The following BRSK1 variants were observed in gnomAD, a reference collection of about 807,000 sequenced individuals.
BRSK1 encodes BR serine/threonine kinase 1.
Under a neutral mutation model 86.2 loss-of-function variants are expected in BRSK1, and 17 were observed. The ratio of observed to expected loss-of-function variants is 0.20; its 90% CI spans 0.14 to 0.30. BRSK1 has a LOEUF of 0.30. Ranked by LOEUF, BRSK1 falls within the 10% of genes least tolerant of loss-of-function variation. The pLI is 1.00. For synonymous variants in BRSK1, 464 were observed against 440.1 expected (o/e 1.05, Z -0.68); for missense variants, 719 against 1,071.9 (o/e 0.67, Z 4.60).
At chr19:55,291,720 G>A (rs1391917778) in intron 4 of BRSK1, among the ~76,000 whole-genome samples, 3 of 152,160 alleles carry the variant, frequency 2.0e-5, no homozygotes, top group Admixed American at 6.5e-5. Context: ...TTTGGGTAAA[G>A]CTTGATGATA....
In BRSK1 at chr19:55,301,399, CTG is replaced by C. The variant is rs886257790; in HGVS notation, c.679-110_679-109del. Reference sequence around the variant, plus strand: ...GCCTTTGGCAAATTGCTGAGCCTCTCTGTGCCTCAGTTTCCAACCCCTTAAGG... The same window carrying C: ...GCCTTTGGCAAATTGCTGAGCCTCTCTGCCTCAGTTTCCAACCCCTTAAGG... On this transcript the variant is annotated intron_variant, in intron 7 of 18. Coordinates refer to ENST00000309383, the MANE Select transcript of BRSK1 (RefSeq NM_032430.2). 45 of 1,324,684 alleles carry C rather than the reference CTG, an allele frequency of 3.4e-5. No homozygotes were observed. In the African/African-American group the frequency reaches 5.3e-4, roughly 16 times the overall value. 82.1% of individuals were successfully genotyped at this position (1,324,684 alleles called of 1,614,324 possible).
At chr19:55,285,051 C>A (rs1332667040) in intron 1 of BRSK1, among the ~76,000 whole-genome samples, 3 of 147,108 alleles carry the variant, frequency 2.0e-5, no homozygotes, top group Non-Finnish European at 4.5e-5. Flanking sequence ...GTCTGGACTT[C>A]TGGGTCTGAG....
rs2088650632 is a variant in BRSK1, at chr19:55,306,359, C to T, written c.1998C>T (p.Asp666=). The part of the protein sequence containing the change: ...VFQKPVRFQV[D]ISSSEGPEPS... ...AAAAGCCCGTCCGCTTCCAGGTGGA[C>T]ATCAGCTCCTCTGAGGGTCCAGAGC... Residue 666 remains aspartate, a synonymous_variant, in exon 17 of 19, where the codon GAC becomes GAT. Coordinates refer to ENST00000309383, the MANE Select transcript of BRSK1 (RefSeq NM_032430.2). This position sits in a 1 kb window ranked among gnomAD's most constrained non-coding sequence, Gnocchi z 4.7. 1 of 1,613,994 alleles carries T rather than the reference C, an allele frequency of 6.2e-7. No homozygotes were observed. Among genetic ancestry groups the T allele is most frequent in the African/African-American group, 1.3e-5 (1 of 74,942 alleles).
intron 4 of BRSK1, 99 bp from the exon 5 acceptor site, chr19:55,293,918 C>A: frequency 9.5e-7 from 1 of 1,055,844 alleles, no homozygotes; most frequent in Non-Finnish European, 1.3e-6. Context: ...CCTAAAAATC[C>A]AAAAAGTATG....
At chr19:55,290,937 G>A (rs987469182) in intron 4 of BRSK1, among the ~76,000 whole-genome samples, 3 of 151,902 alleles carry the variant, frequency 2.0e-5, no homozygotes, top group East Asian at 1.9e-4. Flanking sequence ...CACCGCGCCC[G>A]GCCTACACCT....
chr19:55,303,921 T>G lies in BRSK1; in HGVS notation c.1286+95T>G, dbSNP rs1600187517. On this transcript the variant is annotated intron_variant, in intron 12 of 18. Coordinates refer to ENST00000309383, the MANE Select transcript of BRSK1 (RefSeq NM_032430.2). This position sits in a 1 kb window ranked among gnomAD's most constrained non-coding sequence, Gnocchi z 5.1. Reference sequence around the variant, plus strand: ...CTCTACCTCAAATGTGCTGTGTCCTTGGGACAATTCACCTCCCCTCTCTGG... The same window carrying G: ...CTCTACCTCAAATGTGCTGTGTCCTGGGGACAATTCACCTCCCCTCTCTGG... 6.6e-7 allele frequency: 1 copy of G among 1,520,636 alleles called. No homozygotes were observed. The allele number at this position is 1,520,636 out of a possible 1,614,324, so 94.2% of individuals were successfully genotyped here. A position where few individuals can be genotyped will look rare whatever the true frequency, so the allele number is the denominator to read the frequency against.
In BRSK1 at chr19:55,284,423, G is replaced by C. The variant is rs531300262; in HGVS notation, c.-20G>C. The C allele has an allele frequency of 1.7e-6, 2 of 1,198,042 alleles. No individual in the cohort carries two copies. Among genetic ancestry groups the C allele is most frequent in the Admixed American group, 4.2e-5 (1 of 23,754 alleles). The allele number at this position is 1,198,042 out of a possible 1,614,324, so 74.2% of individuals were successfully genotyped here. ...AGGGGGGGCGGCCGGGGGACCGGTC[G>C]GGCCGGGACCAAGGGCACCATGTCG... On this transcript the variant is annotated 5_prime_UTR_variant, in exon 1 of 19. Transcript: ENST00000309383.
At chr19:55,295,037 A>T (rs2088465235) in intron 7 of BRSK1, among the ~76,000 whole-genome samples, 1 of 152,122 alleles carries the variant, frequency 6.6e-6, no homozygotes. Flanking sequence ...CCTGGCCTCA[A>T]GTGATCCACC....
In BRSK1 at chr19:55,311,878, G is replaced by A. The variant is rs373370443; in HGVS notation, c.2180-33G>A. The A allele has an allele frequency of 6.1e-5, 98 of 1,606,626 alleles. 1 individual carries two copies. The Middle Eastern group carries it at 9.9e-4, about 16-fold the overall frequency. On this transcript the variant is annotated intron_variant, in intron 18 of 18. Transcript: ENST00000309383. Reference sequence around the variant, plus strand: ...AATGGGAACCCCAACCCTGGGCTGCGGAACCCACGAAAAACCTCTTCCTCC... The same window carrying A: ...AATGGGAACCCCAACCCTGGGCTGCAGAACCCACGAAAAACCTCTTCCTCC...
intron 16 of BRSK1, 87 bp downstream of exon 16, chr19:55,305,673 C>T (rs532200559): frequency 1.3e-6 from 2 of 1,573,796 alleles, no homozygotes; most frequent in South Asian, 1.1e-5. Flanking sequence ...TAGCATAGGC[C>T]TGGCTTCCTC....
At chr19:55,296,049 C>A (rs1270030656) in intron 7 of BRSK1, among the ~76,000 whole-genome samples, 1 of 152,106 alleles carries the variant, frequency 6.6e-6, no homozygotes. Flanking sequence ...CACTCTGCTA[C>A]CTATTAGCCT....
chr19:55,298,781 A>G (rs945613097), intron 7 of BRSK1, among the ~76,000 whole-genome samples: 1 of 152,180 alleles, frequency 6.6e-6, no homozygotes, highest in African/African-American at 2.4e-5. Flanking sequence ...TAAAATGGCC[A>G]TGAAGCCAAG....
At chr19:55,307,617 A>G (rs576663752) in intron 17 of BRSK1, among the ~76,000 whole-genome samples, 50 of 149,626 alleles carry the variant, frequency 3.3e-4, no homozygotes, top group Non-Finnish European at 5.6e-4. Context: ...GAGGCCAGGC[A>G]TGATGGCTGA....
rs2088813820 is a variant in BRSK1, at chr19:55,312,090, G to A, written c.*22G>A. 8.8e-6 allele frequency: 12 copies of A among 1,361,936 alleles called. No individual in the cohort carries two copies. The highest frequency in any genetic ancestry group is 1.5e-5 in the African/African-American group (1 of 65,856). 84.4% of individuals were successfully genotyped at this position (1,361,936 alleles called of 1,614,324 possible). A position where few individuals can be genotyped will look rare whatever the true frequency, so the allele number is the denominator to read the frequency against. ...CTGACCCCACGGGGCCGGGGAGGGA[G>A]GGGACCCCCCTCCACCCCCCTTCCG... is the stretch of plus-strand genomic sequence containing the variant. On this transcript the variant is annotated 3_prime_UTR_variant, in exon 19 of 19. Coordinates refer to ENST00000309383, the MANE Select transcript of BRSK1 (RefSeq NM_032430.2).
Position 55,289,467 on chromosome 19 carries a change from C to G in BRSK1, c.318-13C>G, listed in dbSNP as rs1206245595. The stretch of plus-strand genomic sequence containing the variant: ...TGCCCCTTCCAGCCCTCTGCCCCCT[C>G]TATATCCTTTAGGTACCTGGTTCTG... On this transcript the variant is annotated splice_polypyrimidine_tract_variant and intron_variant, in intron 3 of 18. Coordinates refer to ENST00000309383, the MANE Select transcript of BRSK1 (RefSeq NM_032430.2). 6.2e-7 allele frequency: 1 copy of G among 1,609,610 alleles called. No homozygotes were observed. The highest frequency in any genetic ancestry group is 8.5e-7 in the Non-Finnish European group (1 of 1,177,794).
chr19:55,312,042 G>T lies in BRSK1; in HGVS notation c.2311G>T (p.Ala771Ser), dbSNP rs931036088. 1 of 1,483,844 alleles carries T rather than the reference G, an allele frequency of 6.7e-7. No individual in the cohort carries two copies. The highest frequency in any genetic ancestry group is 1.4e-5 in the African/African-American group (1 of 69,998). The allele number at this position is 1,483,844 out of a possible 1,614,324, so 91.9% of individuals were successfully genotyped here. A position where few individuals can be genotyped will look rare whatever the true frequency, so the allele number is the denominator to read the frequency against. ...CCCCCCCAAGGACAAGAAGCTCCTG[G>T]CCACCAACGGGACCCCTCTGCCCTG... ...RGPPKDKKLL[A>S]TNGTPLP is the part of the protein sequence containing the mutation. Residue 771 changes from alanine (A) to serine (S), a missense_variant, in exon 19 of 19, where the codon GCC becomes TCC. Coordinates refer to ENST00000309383, the MANE Select transcript of BRSK1 (RefSeq NM_032430.2).
chr19:55,287,901 T>TG lies in BRSK1; in HGVS notation c.317+605dup, dbSNP rs1467709418. On this transcript the variant is annotated intron_variant, in intron 3 of 18. Coordinates refer to ENST00000309383, the MANE Select transcript of BRSK1 (RefSeq NM_032430.2). The surrounding 1 kb of genome is among the most constrained non-coding windows in gnomAD (Gnocchi z 5.3). ...CTGGTGACCCAAAGGACAGCTGGGCTGGGAAGCCGGAGAGGGGACAGCCCT... is the reference window on the plus strand; with the variant it reads ...CTGGTGACCCAAAGGACAGCTGGGCTGGGGAAGCCGGAGAGGGGACAGCCCT... 2 of 156,400 alleles carry TG rather than the reference T, an allele frequency of 1.3e-5. No homozygotes were observed. 9.7% of individuals were successfully genotyped at this position (156,400 alleles called of 1,614,324 possible). A position where few individuals can be genotyped will look rare whatever the true frequency, so the allele number is the denominator to read the frequency against.
rs1248585135 is a variant in BRSK1 at position 55,284,406 on chromosome 19, C to T, written c.-37C>T. The T allele has an allele frequency of 1.0e-5, 11 of 1,094,440 alleles. No homozygotes were observed. The highest frequency in any genetic ancestry group is 3.5e-5 in the East Asian group (1 of 28,222). The allele number at this position is 1,094,440 out of a possible 1,614,324, so 67.8% of individuals were successfully genotyped here. A position where few individuals can be genotyped will look rare whatever the true frequency, so the allele number is the denominator to read the frequency against. Reference sequence around the variant, plus strand: ...GACGGGGCGACGGCCGCAGGGGGGGCGGCCGGGGGACCGGTCGGGCCGGGA... The same window carrying T: ...GACGGGGCGACGGCCGCAGGGGGGGTGGCCGGGGGACCGGTCGGGCCGGGA... On this transcript the variant is annotated 5_prime_UTR_variant, in exon 1 of 19. Transcript: ENST00000309383.
intron 7 of BRSK1, among the ~76,000 whole-genome samples, chr19:55,298,209 CTTTTTTTTTTTTT>C (rs71181751): frequency 1.0e-4 from 7 of 69,638 alleles, no homozygotes; most frequent in South Asian, 7.0e-4. Context: ...TTTGTTTCTT[CTTTTTTTTTTTTT>C]TTTTTTTTTT....
Sources: allele counts gnomAD v4.1 joint callset (sites outside exome capture counted in the v4.1 genomes callset), GRCh38; gene constraint gnomAD v4.1.1; non-coding constraint Gnocchi (gnomAD v3.1); transcripts MANE v1.5; gene names NCBI Gene and HGNC (gene_info 2026-07-23, HGNC 2026-07-21).